The following PRMT7 variants were observed in gnomAD, a reference collection of about 807,000 sequenced individuals.
PRMT7 encodes protein arginine N-methyltransferase 7.
Under a neutral mutation model 85.4 loss-of-function variants are expected in PRMT7, and 75 were observed. The observed-to-expected ratio is 0.88, with a 90% CI of 0.73 to 1.06. The LOEUF (loss-of-function observed/expected upper bound fraction) is 1.06. Among genes scored for constraint, PRMT7 ranks in the 50% least tolerant of loss-of-function variants. PRMT7 has a pLI of 0.00. For missense variants in PRMT7, 868 were observed against 915.2 expected (o/e 0.95, Z 0.67); for synonymous variants, 397 against 359.5 (o/e 1.10, Z -1.18).
At chr16:68,331,722 C>T (rs1163794816) in intron 6 of PRMT7, among the ~76,000 whole-genome samples, 1 of 151,722 alleles carries the variant, frequency 6.6e-6, no homozygotes, top group Non-Finnish European at 1.5e-5. Context: ...GATTCTCCCA[C>T]CTCAGCATCC....
chr16:68,347,774 T>G (rs2086636480), intron 13 of PRMT7, 96 bp downstream of exon 13: 3 of 1,182,594 alleles, frequency 2.5e-6, no homozygotes, highest in Non-Finnish European at 3.7e-6. Flanking sequence ...AACAAAGGAG[T>G]GGTGGCTCGC....
intron 14 of PRMT7, chr16:68,351,392 C>T (rs919953393): frequency 6.8e-6 from 1 of 147,856 alleles, no homozygotes; most frequent in Non-Finnish European, 1.5e-5. Context: ...TCTCCCAGGT[C>T]GCCTCCGTCC....
At chr16:68,312,229 A>ATCTTTTT (rs1419393129) in intron 2 of PRMT7, 53 bp downstream of exon 2, 1 of 112,694 alleles carries the variant, frequency 8.9e-6, no homozygotes, top group African/African-American at 3.7e-5. Flanking sequence ...ATATATATAT[A>ATCTTTTT]TTTTTTTTTT....
At position 68,339,432 on chromosome 16, in the gene PRMT7, C is replaced by T. The variant is rs552097027; in HGVS notation, c.615C>T (p.Leu205=). The change falls in exon 8 of 19, where the codon CTC becomes CTT. Residue 205 remains leucine, a synonymous_variant. Transcript: ENST00000441236. ...TTCCCATCCACGTGCAGACCAGCCT[C>T]GGAGAGCAGGTCATCGTCCCTCCCG... ...KLFPIHVQTS[L]GEQVIVPPVD... 24 of 1,614,176 alleles carry T rather than the reference C, an allele frequency of 1.5e-5. No individual in the cohort carries two copies. The Middle Eastern group carries it at 6.6e-4, about 44-fold the overall frequency.
At chr16:68,336,260 T>G (rs1325008933) in intron 6 of PRMT7, among the ~76,000 whole-genome samples, 1 of 152,212 alleles carries the variant, frequency 6.6e-6, no homozygotes, top group East Asian at 1.9e-4. Context: ...CATTAAAAAT[T>G]ATAATTGTAG....
intron 3 of PRMT7, among the ~76,000 whole-genome samples, chr16:68,320,559 T>C (rs909624289): frequency 2.6e-5 from 4 of 152,234 alleles, no homozygotes; most frequent in Non-Finnish European, 5.9e-5. Context: ...AAAGCCGCCC[T>C]GGGTGGGCCA....
At chr16:68,335,958 G>A (rs2084625352) in intron 6 of PRMT7, among the ~76,000 whole-genome samples, 1 of 152,060 alleles carries the variant, frequency 6.6e-6, no homozygotes, top group Admixed American at 6.6e-5. Context: ...TGTATTCTTA[G>A]TAGAGACAGG....
At chr16:68,333,006 T>A (rs912239397) in intron 6 of PRMT7, among the ~76,000 whole-genome samples, 4 of 151,988 alleles carry the variant, frequency 2.6e-5, no homozygotes, top group Non-Finnish European at 5.9e-5. Context: ...ATTTATTTAT[T>A]TTTTTTTGAG....
At chr16:68,318,999 A>G (rs1490547009) in intron 3 of PRMT7, 2 of 152,228 alleles carry the variant, frequency 1.3e-5, no homozygotes, top group African/African-American at 4.8e-5. Context: ...GAGTTTGGTA[A>G]CTCACTGGAT....
intron 6 of PRMT7, among the ~76,000 whole-genome samples, chr16:68,333,774 TA>T (rs1162057104): frequency 1.3e-4 from 20 of 150,416 alleles, no homozygotes; most frequent in Admixed American, 4.0e-4. Context: ...GATTTCTTAT[TA>T]AAAAAAAAAA....
intron 4 of PRMT7, 79 bp from the exon 5 acceptor site, chr16:68,324,604 T>A: frequency 6.4e-7 from 1 of 1,552,320 alleles, no homozygotes; most frequent in South Asian, 1.1e-5. Flanking sequence ...CACTGCCAGC[T>A]GTGACTCTAG....
intron 3 of PRMT7, chr16:68,316,724 C>T: frequency 6.6e-6 from 1 of 152,582 alleles, no homozygotes. Flanking sequence ...CGAGATCGAG[C>T]CATTGCACTC....
chr16:68,349,321 T>C (rs1463796731), intron 14 of PRMT7, among the ~76,000 whole-genome samples: 2 of 119,022 alleles, frequency 1.7e-5, no homozygotes, highest in Non-Finnish European at 3.6e-5. Flanking sequence ...TTCCTTCTCA[T>C]GTGTGAATCA....
rs56041186 is a variant in PRMT7, at chr16:68,348,631, CTTTTTTTTTTT to C, written c.1413+218_1413+228del. On this transcript the variant is annotated intron_variant, in intron 14 of 18. Coordinates refer to ENST00000441236, the MANE Select transcript of PRMT7 (RefSeq NM_019023.5). Reference sequence around the variant, plus strand: ...CCGGTGAGCAGATGGTTGCACTGCTCTTTTTTTTTTTTTTTTTTTTTTTTTTTTGAAAATGG... The same window carrying C: ...CCGGTGAGCAGATGGTTGCACTGCTCTTTTTTTTTTTTTTTTTGAAAATGG... Among the ~76,000 whole-genome samples the C allele has an allele frequency of 1.3e-3, 86 of 67,644 alleles. 1 individual carries two copies. The highest frequency in any genetic ancestry group is 1.8e-3 in the Non-Finnish European group (68 of 37,798). The allele number at this position is 67,644 out of a possible 152,430, so 44.4% of individuals were successfully genotyped here.
chr16:68,347,670 T>C lies in PRMT7; in HGVS notation c.1315T>C (p.Leu439=). ...GAGTTCAGCAGCTTCTCACAAACTGTTGAGAAAAGTAAGTGAGAATTGTTG... is the reference window on the plus strand; with the variant it reads ...GAGTTCAGCAGCTTCTCACAAACTGCTGAGAAAAGTAAGTGAGAATTGTTG... ...VESSAASHKL[L]RKIFKANHLE... The change falls in exon 13 of 19, where the codon TTG becomes CTG. Residue 439 remains leucine (L), a synonymous_variant. Coordinates refer to ENST00000441236, the MANE Select transcript of PRMT7 (RefSeq NM_019023.5). 6.2e-7 allele frequency: 1 copy of C among 1,613,820 alleles called. No individual in the cohort carries two copies. The highest frequency in any genetic ancestry group is 8.5e-7 in the Non-Finnish European group (1 of 1,179,786).
In PRMT7 at chr16:68,357,134, T is replaced by G; in HGVS notation, c.1989T>G (p.Gly663=). 6.2e-7 allele frequency: 1 copy of G among 1,613,916 alleles called. No individual in the cohort carries two copies. Among genetic ancestry groups the G allele is most frequent in the Non-Finnish European group, 8.5e-7 (1 of 1,180,000 alleles). ...CCCCAGATCCCAGAGCACTGCTGGG[T>G]GGCCCACGGACTGTCAGCTATGCAG... ...SPAPDPRALL[G]GPRTVSYAVE... is the part of the protein sequence containing the mutation. Residue 663 remains glycine (G), a synonymous_variant, in exon 19 of 19, where the codon GGT becomes GGG. Coordinates refer to ENST00000441236, the MANE Select transcript of PRMT7 (RefSeq NM_019023.5).
chr16:68,353,517 G>A lies in PRMT7; in HGVS notation c.1601G>A (p.Cys534Tyr). The A allele has an allele frequency of 6.2e-7, 1 of 1,607,270 alleles. No individual in the cohort carries two copies. Among genetic ancestry groups the A allele is most frequent in the Admixed American group, 1.7e-5 (1 of 58,978 alleles). Residue 534 changes from cysteine to tyrosine, a missense_variant, in exon 16 of 19, where the codon TGT (cysteine) becomes TAT (tyrosine). Cys to Tyr is a radical substitution (Grantham distance 194, BLOSUM62 -2). Transcript: ENST00000441236. ...GACCTGTGGCGGATCCGGAGCCCCT[G>A]TGGTGACTGCGAAGGCTTCGACGTG... is the stretch of plus-strand genomic sequence containing the variant. ...FRDLWRIRSP[C>Y]GDCEGFDVHI...
intron 5 of PRMT7, among the ~76,000 whole-genome samples, chr16:68,327,352 G>T (rs2083251112): frequency 6.6e-6 from 1 of 152,162 alleles, no homozygotes; most frequent in Non-Finnish European, 1.5e-5. Flanking sequence ...ATCTAGACTG[G>T]ATAAGTTGAA....
At chr16:68,337,832 C>T (rs140367848) in intron 7 of PRMT7, among the ~76,000 whole-genome samples, 48 of 152,310 alleles carry the variant, frequency 3.2e-4, no homozygotes, top group African/African-American at 8.9e-4. Flanking sequence ...CTCAGGAAGG[C>T]GATGCTTGAG....
Sources: gnomAD v4.1 joint callset for allele counts (sites outside exome capture counted in the v4.1 genomes callset) on GRCh38, gnomAD v4.1.1 for gene constraint, MANE v1.5 for transcripts, NCBI Gene and HGNC (gene_info 2026-07-23, HGNC 2026-07-21) for gene names.